Variants in SNX18 observed in about 807,000 individuals in gnomAD.
SNX18 encodes the protein sorting nexin-18.
SNX18 carries 35 observed loss-of-function variants against 48.7 expected under a neutral mutation model. That is an observed-to-expected ratio of 0.72 (90% CI 0.55 to 0.95). The LOEUF (loss-of-function observed/expected upper bound fraction) is 0.95, where lower values mean the gene tolerates loss of function less well. Among genes scored for constraint, SNX18 ranks in the 40% least tolerant of loss-of-function variants. The probability of loss-of-function intolerance (pLI) is 0.00; values close to 1 mark genes in which losing one functional copy is unlikely to be tolerated. For synonymous variants in SNX18, 492 were observed against 384.7 expected (o/e 1.28, Z -3.26); for missense variants, 824 against 871.0 (o/e 0.95, Z 0.68).
At chr5:54,581,965 T>TG in the SNX18 span, among the ~76,000 whole-genome samples, 1 of 152,118 alleles carries the variant, frequency 6.6e-6, no homozygotes, top group African/African-American at 2.4e-5. Flanking sequence ...AGACTGAGCT[T>TG]GGGGGATTCA....
chr5:54,634,212 G>A, the SNX18 span, among the ~76,000 whole-genome samples: 2 of 152,142 alleles, frequency 1.3e-5, no homozygotes, highest in Non-Finnish European at 2.9e-5. Context: ...ATGCTTATTG[G>A]ATTTCCTTAT....
At chr5:54,575,797 T>C in the SNX18 span, among the ~76,000 whole-genome samples, 1 of 152,144 alleles carries the variant, frequency 6.6e-6, no homozygotes, top group Admixed American at 6.5e-5. Flanking sequence ...ACAGATAAGC[T>C]TACTAAAGAA....
the SNX18 span, among the ~76,000 whole-genome samples, chr5:54,625,092 G>A: frequency 3.3e-5 from 5 of 152,154 alleles, no homozygotes; most frequent in Non-Finnish European, 7.4e-5. Context: ...ATGAATATGT[G>A]TTTTCGAGTA....
At chr5:54,595,523 C>CCG in the SNX18 span, among the ~76,000 whole-genome samples, 1 of 152,240 alleles carries the variant, frequency 6.6e-6, no homozygotes, top group Non-Finnish European at 1.5e-5. Context: ...GTGTGAGCCA[C>CCG]CGCGCCTAGC....
At chr5:54,618,325 G>A in the SNX18 span, among the ~76,000 whole-genome samples, 1 of 152,182 alleles carries the variant, frequency 6.6e-6, no homozygotes, top group Non-Finnish European at 1.5e-5. Context: ...CCCAGGCTTG[G>A]GCAGTCCTTT....
chr5:54,586,987 C>CTTTT, the SNX18 span, among the ~76,000 whole-genome samples: 1 of 143,968 alleles, frequency 6.9e-6, no homozygotes, highest in Non-Finnish European at 1.5e-5. Flanking sequence ...AATTTATTTC[C>CTTTT]TTTTTTTTTT....
chr5:54,607,665 G>T, the SNX18 span, among the ~76,000 whole-genome samples: 1 of 152,132 alleles, frequency 6.6e-6, no homozygotes, highest in East Asian at 1.9e-4. Context: ...AGGCACTGTG[G>T]CTCATGCCTG....
chr5:54,543,218 A>T lies in SNX18; in HGVS notation c.1661A>T (p.Glu554Val). The change falls in exon 2 of 2, where the codon GAG becomes GTG. Residue 554 changes from glutamate to valine, a missense_variant. Physicochemically the swap from Glu to Val is moderately radical, Grantham distance 121 (BLOSUM62 -2). This residue lies in a region of SNX18 where 443 missense variants were observed against 503.6 expected (regional missense o/e 0.88). Transcript: ENST00000381410. The stretch of plus-strand genomic sequence containing the variant: ...GTCAAGGAGAGTAGGCGACACGTGG[A>T]GGAAGGGAAGATGGAGGTGCAGAAG... ...TKVKESRRHV[E>V]EGKMEVQKAD... 2 of 1,614,150 alleles carry T rather than the reference A, an allele frequency of 1.2e-6. No homozygotes were observed. Among genetic ancestry groups the T allele is most frequent in the Non-Finnish European group, 1.7e-6 (2 of 1,180,024 alleles).
the SNX18 span, among the ~76,000 whole-genome samples, chr5:54,602,055 T>G: frequency 6.6e-6 from 1 of 152,098 alleles, no homozygotes; most frequent in African/African-American, 2.4e-5. Context: ...TTACACCCAA[T>G]AGTCAGACAG....
Position 54,519,584 on chromosome 5 carries a change from G to T in SNX18, c.1621+11G>T. On this transcript the variant is annotated intron_variant, in intron 1 of 1. Coordinates refer to ENST00000381410, the MANE Select transcript of SNX18 (RefSeq NM_001102575.2). ...TCCACGTTCAGAAAGGTAAAGCCTG[G>T]CCCTTAGAGCAGGTGATATGGAGTG... The T allele has an allele frequency of 6.2e-7, 1 of 1,614,232 alleles. No individual in the cohort carries two copies. The highest frequency in any genetic ancestry group is 8.5e-7 in the Non-Finnish European group (1 of 1,180,052).
chr5:54,548,583 T>C (rs1762609861), downstream of SNX18, among the ~76,000 whole-genome samples: 1 of 152,226 alleles, frequency 6.6e-6, no homozygotes, highest in Non-Finnish European at 1.5e-5. Context: ...GTTTCCTCAA[T>C]TGTATGATTG....
the SNX18 span, among the ~76,000 whole-genome samples, chr5:54,580,975 G>A: frequency 0.052 from 7,902 of 152,190 alleles, 269 homozygotes; most frequent in Non-Finnish European, 0.081. Flanking sequence ...AGGGCAATAC[G>A]GTGGGCTTCA....
At chr5:54,596,130 C>T in the SNX18 span, among the ~76,000 whole-genome samples, 3 of 152,186 alleles carry the variant, frequency 2.0e-5, no homozygotes, top group Non-Finnish European at 2.9e-5. Flanking sequence ...AACAGCATTG[C>T]TACTGGAGAG....
chr5:54,552,748 A>G, the SNX18 span, among the ~76,000 whole-genome samples: 1 of 152,234 alleles, frequency 6.6e-6, no homozygotes, highest in Non-Finnish European at 1.5e-5. Flanking sequence ...AACAAAGCCA[A>G]CAAAAATTTA....
At chr5:54,541,892 G>A (rs1762477619) in intron 1 of SNX18, among the ~76,000 whole-genome samples, 1 of 151,978 alleles carries the variant, frequency 6.6e-6, no homozygotes. Context: ...TTAGAAATAG[G>A]GCATCTTCCC....
At chr5:54,527,198 A>AAG (rs1762147655) in intron 1 of SNX18, among the ~76,000 whole-genome samples, 1 of 152,196 alleles carries the variant, frequency 6.6e-6, no homozygotes, top group Non-Finnish European at 1.5e-5. Flanking sequence ...CCAACTGGAC[A>AAG]TATTAACAGA....
chr5:54,630,811 G>A, the SNX18 span, among the ~76,000 whole-genome samples: 3 of 137,828 alleles, frequency 2.2e-5, no homozygotes, highest in South Asian at 4.5e-4. Context: ...CAGCCTGGGC[G>A]ACAGAGCAAG....
the SNX18 span, among the ~76,000 whole-genome samples, chr5:54,622,585 T>C: frequency 1.2e-4 from 18 of 148,538 alleles, no homozygotes; most frequent in African/African-American, 4.2e-4. Flanking sequence ...TGTATTAGAA[T>C]ATAAACATAA....
downstream of SNX18, among the ~76,000 whole-genome samples, chr5:54,551,015 C>T (rs982890505): frequency 7.3e-5 from 11 of 150,794 alleles, no homozygotes; most frequent in Middle Eastern, 3.5e-3. Context: ...TGAATATAAA[C>T]GATTGAATGT....
Sources: gnomAD v4.1 joint callset for allele counts (sites outside exome capture counted in the v4.1 genomes callset) on GRCh38, gnomAD v4.1.1 for gene constraint, gnomAD v4.1.1 regional missense constraint, MANE v1.5 for transcripts, NCBI Gene and HGNC (gene_info 2026-07-23, HGNC 2026-07-21) for gene names.